MYO5B: variants seen among roughly 807,000 people sequenced by gnomAD.
MYO5B encodes the protein myosin VB, also known as unconventional myosin-Vb.
In MYO5B, 143 loss-of-function variants were observed where a neutral mutation model predicts 229.3. The ratio of observed to expected loss-of-function variants is 0.62; its 90% CI spans 0.54 to 0.72. MYO5B has a LOEUF of 0.72. Among genes scored for constraint, MYO5B ranks in the 30% least tolerant of loss-of-function variants. The probability of loss-of-function intolerance (pLI) is 0.00; values close to 1 mark genes in which losing one functional copy is unlikely to be tolerated. For missense variants in MYO5B, 2,321 were observed against 2,331.0 expected, an observed-to-expected ratio of 1.00 and a Z score of 0.09; for synonymous variants, 918 against 885.2, an observed-to-expected ratio of 1.04 and a Z score of -0.66.
chr18:50,063,621 A>G (rs1339584010), intron 1 of MYO5B, among the ~76,000 whole-genome samples: 1 of 152,250 alleles, frequency 6.6e-6, no homozygotes, highest in Non-Finnish European at 1.5e-5. Flanking sequence ...CGGTAACTGC[A>G]TAGTCACATA....
intron 1 of MYO5B, among the ~76,000 whole-genome samples, chr18:50,129,691 G>A (rs1290942121): frequency 6.6e-6 from 1 of 152,142 alleles, no homozygotes; most frequent in African/African-American, 2.4e-5. Flanking sequence ...GGTCCCTAGG[G>A]AGTAGCAGAG....
intron 10 of MYO5B, among the ~76,000 whole-genome samples, chr18:49,963,419 T>TTA (rs373905808): frequency 0.29 from 38,721 of 132,038 alleles, 5,567 homozygotes; most frequent in South Asian, 0.39. Context: ...TTAATTAATT[T>TTA]ATTTATTTAT....
intron 4 of MYO5B, among the ~76,000 whole-genome samples, chr18:50,005,754 A>G (rs1598946974): frequency 6.6e-6 from 1 of 152,260 alleles, no homozygotes; most frequent in African/African-American, 2.4e-5. Context: ...GTTCAACCCA[A>G]CAGGACTACT....
chr18:50,026,717 G>A (rs561065318), intron 4 of MYO5B, among the ~76,000 whole-genome samples: 19 of 152,332 alleles, frequency 1.2e-4, no homozygotes, highest in African/African-American at 4.6e-4. Flanking sequence ...TGTGCCATCA[G>A]TACTATCACC....
chr18:49,983,467 A>T (rs967434396), intron 8 of MYO5B, among the ~76,000 whole-genome samples: 4 of 152,148 alleles, frequency 2.6e-5, no homozygotes, highest in Non-Finnish European at 5.9e-5. Flanking sequence ...TCCTCTGGGC[A>T]AGTTTCTTCA....
chr18:50,112,527 G>A (rs912059830), intron 1 of MYO5B, among the ~76,000 whole-genome samples: 1 of 152,142 alleles, frequency 6.6e-6, no homozygotes, highest in Non-Finnish European at 1.5e-5. Context: ...AACCAGCTGA[G>A]CACCACCAGC....
chr18:50,125,359 C>T (rs547579608), intron 1 of MYO5B, among the ~76,000 whole-genome samples: 11 of 121,990 alleles, frequency 9.0e-5, no homozygotes, highest in African/African-American at 1.3e-4. Flanking sequence ...CATCACACAC[C>T]GGACCCTGTT....
chr18:49,992,527 C>CCTTA, intron 5 of MYO5B, 96 bp from the exon 6 acceptor site: 1 of 1,553,780 alleles, frequency 6.4e-7, no homozygotes, highest in East Asian at 2.2e-5. Context: ...CCTTTCTCTT[C>CCTTA]CTTACTTACA....
chr18:49,984,983 G>A (rs775834787), intron 7 of MYO5B, among the ~76,000 whole-genome samples, 158 bp from the exon 8 acceptor site: 4 of 152,100 alleles, frequency 2.6e-5, no homozygotes, highest in Non-Finnish European at 4.4e-5. Flanking sequence ...ATCCACAACG[G>A]CAAATGGGAG....
At chr18:50,064,949 T>C (rs550680678) in intron 1 of MYO5B, among the ~76,000 whole-genome samples, 1 of 152,170 alleles carries the variant, frequency 6.6e-6, no homozygotes, top group Non-Finnish European at 1.5e-5. Context: ...TCTTAAGAAA[T>C]AACCTGGGGG....
intron 19 of MYO5B, among the ~76,000 whole-genome samples, chr18:49,905,100 A>T (rs1395243685): frequency 6.6e-6 from 1 of 152,034 alleles, no homozygotes; most frequent in African/African-American, 2.4e-5. Context: ...TTCCTCTATG[A>T]TCCTTATCTG....
intron 10 of MYO5B, among the ~76,000 whole-genome samples, chr18:49,966,135 T>C (rs1422824655): frequency 3.9e-5 from 6 of 152,066 alleles, no homozygotes; most frequent in African/African-American, 1.2e-4. Context: ...AGGCATCAGA[T>C]ACCCAAAGGG....
intron 1 of MYO5B, among the ~76,000 whole-genome samples, chr18:50,140,915 G>A (rs1034474526): frequency 2.0e-5 from 3 of 152,236 alleles, no homozygotes; most frequent in African/African-American, 7.2e-5. Context: ...ACAGAGACCA[G>A]GAAAAGCATG....
intron 16 of MYO5B, among the ~76,000 whole-genome samples, chr18:49,931,428 A>G (rs1055013607): frequency 1.3e-5 from 2 of 152,160 alleles, no homozygotes; most frequent in African/African-American, 4.8e-5. Context: ...TCCAGCTCCA[A>G]CAGCCCACGG....
rs376607398 is a variant in MYO5B at position 49,990,513 on chromosome 18, T to A, written c.764A>T (p.Asp255Val). The change falls in exon 7 of 40, where the codon GAT becomes GTT. Residue 255 changes from aspartate to valine, a missense_variant. Physicochemically the swap from Asp to Val is radical, Grantham distance 152 (BLOSUM62 -3). Transcript: ENST00000285039. ...EKSRVVFQAD[D>V]ERNYHIFYQL... is the part of the protein sequence containing the mutation. ...GTAAAAGATGTGGTAATTCCTCTCA[T>A]CATCTGCCTGGAGGAGGAAGAAGTG... The A allele has an allele frequency of 5.0e-6, 8 of 1,613,326 alleles. No individual in the cohort carries two copies. Among genetic ancestry groups the A allele is most frequent in the Middle Eastern group, 1.6e-4 (1 of 6,078 alleles).
intron 29 of MYO5B, among the ~76,000 whole-genome samples, chr18:49,862,832 T>G (rs1311727381): frequency 6.6e-6 from 1 of 152,126 alleles, no homozygotes; most frequent in African/African-American, 2.4e-5. Flanking sequence ...TGACACACAC[T>G]GCATGCATGA....
chr18:49,906,302 G>A (rs2024898500), intron 19 of MYO5B, 117 bp downstream of exon 19: 2 of 1,007,850 alleles, frequency 2.0e-6, no homozygotes, highest in Non-Finnish European at 1.5e-6. Flanking sequence ...TGCAGACATG[G>A]CCCCAACAGG....
intron 14 of MYO5B, among the ~76,000 whole-genome samples, chr18:49,939,263 A>C (rs1393637792): frequency 6.7e-6 from 1 of 148,794 alleles, no homozygotes; most frequent in East Asian, 2.0e-4. Context: ...CTCCTGCCTC[A>C]GTGTCCCCAG....
In MYO5B at chr18:50,006,661, G is replaced by C. The variant is rs193033317; in HGVS notation, c.456-5250C>G. On this transcript the variant is annotated intron_variant, in intron 4 of 39. Transcript: ENST00000285039. ...TAAACTACTCTAACTCCTCCTAGAA[G>C]TTTCCCACCAAACCACTGCAGTGCT... 3.6e-4 allele frequency among the ~76,000 whole-genome samples: 55 copies of C among 152,196 alleles called. No individual in the cohort carries two copies. The East Asian group carries it at 0.01, about 28-fold the overall frequency.
Sources: gnomAD v4.1 joint callset for allele counts (sites outside exome capture counted in the v4.1 genomes callset) on GRCh38, gnomAD v4.1.1 for gene constraint, MANE v1.5 for transcripts, NCBI Gene and HGNC (gene_info 2026-07-23, HGNC 2026-07-21) for gene names.